Variants in PPME1 observed in about 807,000 individuals in gnomAD.
PPME1 encodes testicular secretory protein Li 39.
A neutral mutation model predicts 56.9 loss-of-function variants in PPME1; 17 were observed. That is an observed-to-expected ratio of 0.30 (90% CI 0.20 to 0.45). The LOEUF is 0.45. PPME1 is among the 20% of genes least tolerant of loss of function. PPME1 has a pLI of 1.00. For synonymous variants in PPME1, 122 were observed against 156.2 expected (o/e 0.78, Z 1.63); for missense variants, 357 against 483.2 (o/e 0.74, Z 2.45).
chr11:74,207,425 C>G (rs1270418541), intron 3 of PPME1, among the ~76,000 whole-genome samples: 1 of 152,182 alleles, frequency 6.6e-6, no homozygotes, highest in African/African-American at 2.4e-5. Flanking sequence ...AACAAACAAA[C>G]AAACAACCAT....
chr11:74,246,813 C>G (rs1859516333), intron 10 of PPME1, among the ~76,000 whole-genome samples: 1 of 152,154 alleles, frequency 6.6e-6, no homozygotes, highest in African/African-American at 2.4e-5. Context: ...CCTTCTTAGT[C>G]TAGAGCTAGA....
At chr11:74,242,035 G>C (rs1044384537) in intron 9 of PPME1, among the ~76,000 whole-genome samples, 1 of 152,026 alleles carries the variant, frequency 6.6e-6, no homozygotes, top group Non-Finnish European at 1.5e-5. Flanking sequence ...TTATATCTAA[G>C]AAGTCTTTGC....
rs188564687 is a variant in PPME1, at chr11:74,239,662, C to T, written c.834+406C>T. ...CGCGATCTCGGCTCACTGCAAGCTC[C>T]GCCTCCCGGGTTCACGCCATTCTCC... On this transcript the variant is annotated intron_variant, in intron 9 of 13. Transcript: ENST00000328257. 1.9e-3 allele frequency among the ~76,000 whole-genome samples: 290 copies of T among 151,580 alleles called. 2 individuals carry two copies. Among genetic ancestry groups the T allele is most frequent in the Middle Eastern group, 6.8e-3 (2 of 292 alleles).
intron 1 of PPME1, among the ~76,000 whole-genome samples, chr11:74,203,329 GAGGT>G (rs1226763044): frequency 1.3e-5 from 2 of 152,162 alleles, no homozygotes; most frequent in Non-Finnish European, 2.9e-5. Context: ...ACTGTTGACT[GAGGT>G]AGGAATGATA....
intron 1 of PPME1, among the ~76,000 whole-genome samples, chr11:74,189,668 T>A (rs1382771770): frequency 6.6e-6 from 1 of 152,232 alleles, no homozygotes; most frequent in Non-Finnish European, 1.5e-5. Flanking sequence ...TCTTTTCCAT[T>A]ATTTTCCCTG....
At chr11:74,221,229 A>G (rs763520315) in intron 3 of PPME1, among the ~76,000 whole-genome samples, 10 of 152,146 alleles carry the variant, frequency 6.6e-5, no homozygotes, top group Non-Finnish European at 1.2e-4. Flanking sequence ...AATTCATACT[A>G]TCTTTTCCAC....
chr11:74,176,603 G>A (rs1857405155), intron 1 of PPME1, among the ~76,000 whole-genome samples: 1 of 151,700 alleles, frequency 6.6e-6, no homozygotes, highest in African/African-American at 2.4e-5. Flanking sequence ...TTACTCATTA[G>A]CATCTTCCCT....
At chr11:74,179,574 AT>A (rs1376697486) in intron 1 of PPME1, among the ~76,000 whole-genome samples, 3 of 152,210 alleles carry the variant, frequency 2.0e-5, no homozygotes, top group African/African-American at 7.2e-5. Context: ...GTTATTTAGT[AT>A]TTCTGAGTCA....
At chr11:74,215,745 C>G (rs1591044583) in intron 3 of PPME1, among the ~76,000 whole-genome samples, 1 of 152,272 alleles carries the variant, frequency 6.6e-6, no homozygotes, top group South Asian at 2.1e-4. Flanking sequence ...ACCCACTGAC[C>G]TGTTGCCTAC....
chr11:74,231,524 T>C (rs1859067358), intron 7 of PPME1, among the ~76,000 whole-genome samples: 1 of 152,254 alleles, frequency 6.6e-6, no homozygotes, highest in Non-Finnish European at 1.5e-5. Flanking sequence ...GGAAACATTA[T>C]ATAAACAGCA....
chr11:74,177,148 G>A (rs192673208), intron 1 of PPME1, among the ~76,000 whole-genome samples: 4 of 151,478 alleles, frequency 2.6e-5, no homozygotes, highest in South Asian at 4.2e-4. Flanking sequence ...TACCCATTAC[G>A]TAAATTTCAC....
intron 1 of PPME1, among the ~76,000 whole-genome samples, chr11:74,199,448 T>A (rs948522482): frequency 4.6e-5 from 7 of 152,204 alleles, no homozygotes; most frequent in Non-Finnish European, 1.0e-4. Flanking sequence ...TCTTAGTAAA[T>A]ATTTTTTGAA....
intron 2 of PPME1, among the ~76,000 whole-genome samples, chr11:74,204,116 AGG>A (rs1310965367): frequency 1.3e-5 from 2 of 151,524 alleles, no homozygotes; most frequent in Non-Finnish European, 2.9e-5. Context: ...TCTAGAATCC[AGG>A]GGTTATGTCC....
intron 1 of PPME1, among the ~76,000 whole-genome samples, chr11:74,178,658 C>T (rs1375003792): frequency 6.6e-6 from 1 of 152,202 alleles, no homozygotes; most frequent in Non-Finnish European, 1.5e-5. Context: ...ATCCCACCCC[C>T]AACTCCCCTG....
Position 74,253,554 on chromosome 11 carries a change from A to T in PPME1, c.*44A>T. ...TCCTCAACATCGAGCTCTGTTGTAA[A>T]TACGTCGCACCAGAGGCCACTGTGA... On this transcript the variant is annotated 3_prime_UTR_variant, in exon 14 of 14. Transcript: ENST00000328257. 1.3e-6 allele frequency: 2 copies of T among 1,572,768 alleles called. No individual in the cohort carries two copies. The highest frequency in any genetic ancestry group is 1.8e-6 in the Non-Finnish European group (2 of 1,142,660).
At chr11:74,175,929 C>T (rs1266857381) in intron 1 of PPME1, among the ~76,000 whole-genome samples, 3 of 152,184 alleles carry the variant, frequency 2.0e-5, no homozygotes, top group Admixed American at 6.5e-5. Context: ...CTATAGCTTG[C>T]ATTGAAGGGT....
intron 5 of PPME1, among the ~76,000 whole-genome samples, chr11:74,229,082 A>G (rs1307819086): frequency 6.6e-6 from 1 of 152,154 alleles, no homozygotes; most frequent in Non-Finnish European, 1.5e-5. Context: ...TGCCGAGGCT[A>G]CCCTATTCAC....
intron 9 of PPME1, among the ~76,000 whole-genome samples, chr11:74,242,038 G>A (rs1437563127): frequency 1.3e-5 from 2 of 152,072 alleles, no homozygotes; most frequent in Non-Finnish European, 2.9e-5. Context: ...TATCTAAGAA[G>A]TCTTTGCCTA....
Position 74,171,368 on chromosome 11 carries a change from A to C in PPME1, c.-54A>C. 6.4e-7 allele frequency: 1 copy of C among 1,559,726 alleles called. No homozygotes were observed. Among genetic ancestry groups the C allele is most frequent in the Non-Finnish European group, 8.7e-7 (1 of 1,151,402 alleles). On this transcript the variant is annotated 5_prime_UTR_variant, in exon 1 of 14. Transcript: ENST00000328257. Reference sequence around the variant, plus strand: ...GTCGTGACCGGTTGGGCCACACTCAACGTGGGACGAAGCTTCGCCTACTGT... The same window carrying C: ...GTCGTGACCGGTTGGGCCACACTCACCGTGGGACGAAGCTTCGCCTACTGT...
Sources: gnomAD v4.1 joint callset for allele counts (sites outside exome capture counted in the v4.1 genomes callset) on GRCh38, gnomAD v4.1.1 for gene constraint, MANE v1.5 for transcripts, NCBI Gene and HGNC (gene_info 2026-07-23, HGNC 2026-07-21) for gene names.